NUBPL: variants seen among roughly 807,000 people sequenced by gnomAD.
NUBPL encodes the protein NUBP iron-sulfur cluster assembly factor, mitochondrial.
A neutral mutation model predicts 45.7 loss-of-function variants in NUBPL; 31 were observed. The ratio of observed to expected loss-of-function variants is 0.68; its 90% CI spans 0.51 to 0.92. NUBPL has a LOEUF of 0.92. Among genes scored for constraint, NUBPL ranks in the 40% least tolerant of loss-of-function variants. The pLI, the probability that NUBPL is intolerant of heterozygous loss-of-function variation, is 0.00. For synonymous variants in NUBPL, 144 were observed against 140.9 expected, an observed-to-expected ratio of 1.02 and a Z score of -0.15; for missense variants, 401 against 398.7, an observed-to-expected ratio of 1.01 and a Z score of -0.05.
chr14:31,597,645 C>T (rs2034319297), intron 3 of NUBPL, among the ~76,000 whole-genome samples: 1 of 152,102 alleles, frequency 6.6e-6, no homozygotes, highest in African/African-American at 2.4e-5. Flanking sequence ...ACCTAACCCC[C>T]TTCATGTTAT....
chr14:31,697,453 C>T (rs2037237941), intron 6 of NUBPL, among the ~76,000 whole-genome samples: 1 of 152,154 alleles, frequency 6.6e-6, no homozygotes, highest in Admixed American at 6.5e-5. Flanking sequence ...TTACAATGTC[C>T]TATTTCTACC....
rs191745503 is a variant in NUBPL, at chr14:31,637,992, G to A, written c.383-35363G>A. Reference sequence around the variant, plus strand: ...TGAGCCTATATGTGTCTCTGCACGTGAGATGGATTTCCTGAATACAGCACA... The same window carrying A: ...TGAGCCTATATGTGTCTCTGCACGTAAGATGGATTTCCTGAATACAGCACA... On this transcript the variant is annotated intron_variant, in intron 4 of 10. Coordinates refer to ENST00000281081, the MANE Select transcript of NUBPL (RefSeq NM_025152.3). Among the ~76,000 whole-genome samples, 795 of 152,276 alleles carry A rather than the reference G, an allele frequency of 5.2e-3. 6 individuals are homozygous for A. Among genetic ancestry groups the A allele is most frequent in the Non-Finnish European group, 8.6e-3 (588 of 68,030 alleles).
At chr14:31,715,606 G>A (rs955645333) in intron 6 of NUBPL, among the ~76,000 whole-genome samples, 3 of 152,146 alleles carry the variant, frequency 2.0e-5, no homozygotes, top group African/African-American at 7.2e-5. Context: ...ACATAGGAAA[G>A]GTACAATAAA....
intron 6 of NUBPL, among the ~76,000 whole-genome samples, chr14:31,754,537 A>C (rs1439607581): frequency 6.6e-6 from 1 of 151,666 alleles, no homozygotes; most frequent in Non-Finnish European, 1.5e-5. Flanking sequence ...AGGAAAGATA[A>C]TCTATAGATT....
At chr14:31,698,415 C>T (rs1239010514) in intron 6 of NUBPL, among the ~76,000 whole-genome samples, 2 of 150,448 alleles carry the variant, frequency 1.3e-5, no homozygotes, top group African/African-American at 4.9e-5. Flanking sequence ...GTTTTGGTAA[C>T]TTGTTTTAGT....
At chr14:31,677,132 A>C (rs1321737152) in intron 6 of NUBPL, among the ~76,000 whole-genome samples, 1 of 152,182 alleles carries the variant, frequency 6.6e-6, no homozygotes, top group Non-Finnish European at 1.5e-5. Context: ...TAATTGCATC[A>C]GAGTAAATGG....
intron 6 of NUBPL, among the ~76,000 whole-genome samples, chr14:31,759,126 G>GA (rs1233373739): frequency 2.6e-5 from 4 of 152,160 alleles, no homozygotes; most frequent in South Asian, 4.1e-4. Flanking sequence ...TATAGATCTA[G>GA]AAAATTCTTC....
intron 6 of NUBPL, among the ~76,000 whole-genome samples, chr14:31,702,277 G>A (rs2037357533): frequency 6.6e-6 from 1 of 152,204 alleles, no homozygotes; most frequent in Admixed American, 6.5e-5. Context: ...AACCAGGGAA[G>A]CTCATGTGAG....
intron 6 of NUBPL, among the ~76,000 whole-genome samples, chr14:31,765,176 C>A (rs7153475): frequency 0.3 from 44,876 of 152,108 alleles, 7,512 homozygotes; most frequent in South Asian, 0.41. Context: ...TTCTTAGCTT[C>A]CATTTTTAGT....
intron 4 of NUBPL, among the ~76,000 whole-genome samples, chr14:31,656,789 A>C (rs577830184): frequency 6.6e-6 from 1 of 152,338 alleles, no homozygotes; most frequent in South Asian, 2.1e-4. Context: ...GACATATAGA[A>C]ATGAAGTGAG....
chr14:31,736,146 A>G (rs780760912), intron 6 of NUBPL, among the ~76,000 whole-genome samples: 48 of 152,308 alleles, frequency 3.2e-4, no homozygotes, highest in Admixed American at 3.9e-4. Context: ...TTGTGCATAG[A>G]ATTTTTTAAA....
chr14:31,783,385 A>C (rs2138804625), intron 6 of NUBPL, among the ~76,000 whole-genome samples: 1 of 152,242 alleles, frequency 6.6e-6, no homozygotes, highest in East Asian at 1.9e-4. Flanking sequence ...CTTTATAGAA[A>C]GCCTACTATG....
intron 6 of NUBPL, among the ~76,000 whole-genome samples, chr14:31,730,383 G>A (rs1414543225): frequency 1.3e-5 from 2 of 152,044 alleles, no homozygotes; most frequent in Non-Finnish European, 2.9e-5. Context: ...AGCTTTCAGG[G>A]TAGCAGTGAA....
chr14:31,745,058 T>G (rs181974973), intron 6 of NUBPL, among the ~76,000 whole-genome samples: 1 of 151,982 alleles, frequency 6.6e-6, no homozygotes, highest in African/African-American at 2.4e-5. Context: ...TTATTTTTAT[T>G]TTTATTATTA....
At chr14:31,841,917 C>CTTTTGTTTTTG in intron 8 of NUBPL, among the ~76,000 whole-genome samples, 1,858 of 43,022 alleles carry the variant, frequency 0.043, 336 homozygotes, top group East Asian at 0.083. Context: ...CGATTCTGGG[C>CTTTTGTTTTTG]TTTTTTTTTT....
intron 10 of NUBPL, among the ~76,000 whole-genome samples, chr14:31,851,587 G>T (rs766086336): frequency 5.9e-5 from 9 of 152,012 alleles, no homozygotes; most frequent in Non-Finnish European, 1.0e-4. Context: ...TGTCTTTTAG[G>T]TATTAAATGT....
intron 7 of NUBPL, among the ~76,000 whole-genome samples, chr14:31,815,902 A>C (rs1366271754): frequency 6.6e-6 from 1 of 152,180 alleles, no homozygotes; most frequent in Non-Finnish European, 1.5e-5. Context: ...ATAATGGTGG[A>C]TAAGCTTTTT....
Position 31,616,912 on chromosome 14 carries a change from A to T in NUBPL, c.382+17533A>T, listed in dbSNP as rs562450281. Among the ~76,000 whole-genome samples the T allele has an allele frequency of 2.8e-4, 43 of 151,488 alleles. 1 individual carries two copies. The South Asian group carries it at 8.4e-3, about 30-fold the overall frequency. ...GAGTCTTCCTATCCATGAGCATGGA[A>T]TTTTTTTTTCCATTTGTTTGTGTCC... On this transcript the variant is annotated intron_variant, in intron 4 of 10. Coordinates refer to ENST00000281081, the MANE Select transcript of NUBPL (RefSeq NM_025152.3).
intron 6 of NUBPL, among the ~76,000 whole-genome samples, chr14:31,721,759 C>G (rs1388276994): frequency 6.6e-6 from 1 of 151,888 alleles, no homozygotes; most frequent in African/African-American, 2.4e-5. Context: ...TTTTCTCTCC[C>G]TCCCCCCATT....
Sources: allele counts gnomAD v4.1 joint callset (sites outside exome capture counted in the v4.1 genomes callset), GRCh38; gene constraint gnomAD v4.1.1; transcripts MANE v1.5; gene names NCBI Gene and HGNC (gene_info 2026-07-23, HGNC 2026-07-21).